Variants in ZNF804A observed in about 807,000 individuals in gnomAD.
The protein encoded by ZNF804A is zinc finger protein 804A.
In ZNF804A, 2 loss-of-function variants were observed where a neutral mutation model predicts 16.5. That is an observed-to-expected ratio of 0.12 (90% confidence interval 0.05 to 0.38). ZNF804A has a LOEUF of 0.38. ZNF804A is among the 10% of genes least tolerant of loss of function. ZNF804A has a pLI of 0.99. For missense variants in ZNF804A, 1,473 were observed against 1,390.7 expected (o/e 1.06, Z -0.94); for synonymous variants, 534 against 489.6 (o/e 1.09, Z -1.20).
chr2:184,770,858 T>C (rs1694199297), intron 1 of ZNF804A, among the ~76,000 whole-genome samples: 3 of 152,140 alleles, frequency 2.0e-5, no homozygotes, highest in East Asian at 3.9e-4. Flanking sequence ...ATTCTGAATA[T>C]ATAAATATTA....
chr2:184,831,566 A>G (rs1260518960), intron 1 of ZNF804A, among the ~76,000 whole-genome samples: 1 of 152,040 alleles, frequency 6.6e-6, no homozygotes, highest in Admixed American at 6.6e-5. Context: ...GGAAATTCAG[A>G]ATCTCAGGCC....
At chr2:184,707,183 C>G (rs1387431286) in intron 1 of ZNF804A, among the ~76,000 whole-genome samples, 1 of 152,054 alleles carries the variant, frequency 6.6e-6, no homozygotes, top group African/African-American at 2.4e-5. Flanking sequence ...TGGAGGTGTT[C>G]TTCCTTTCTC....
At chr2:184,838,727 C>A (rs1558977919) in intron 1 of ZNF804A, among the ~76,000 whole-genome samples, 1 of 151,772 alleles carries the variant, frequency 6.6e-6, no homozygotes, top group Non-Finnish European at 1.5e-5. Context: ...ATAACAGAAG[C>A]TATGTATAGC....
chr2:184,703,517 C>T (rs558512802), intron 1 of ZNF804A, among the ~76,000 whole-genome samples: 2 of 151,472 alleles, frequency 1.3e-5, no homozygotes, highest in Admixed American at 6.6e-5. Flanking sequence ...GGTGAAACCC[C>T]GTCTCTACTA....
intron 1 of ZNF804A, among the ~76,000 whole-genome samples, chr2:184,831,344 C>T (rs1002534241): frequency 1.3e-5 from 2 of 151,802 alleles, no homozygotes; most frequent in Admixed American, 1.3e-4. Flanking sequence ...ATCACCTGCT[C>T]ATGTGATTTA....
intron 2 of ZNF804A, among the ~76,000 whole-genome samples, chr2:184,872,207 G>T (rs1695985611): frequency 6.6e-6 from 1 of 152,048 alleles, no homozygotes; most frequent in Admixed American, 6.6e-5. Flanking sequence ...CTGCTGATCA[G>T]ACAAAAGCTA....
intron 1 of ZNF804A, among the ~76,000 whole-genome samples, chr2:184,651,913 G>A (rs766334153): frequency 7.0e-4 from 106 of 152,030 alleles, no homozygotes; most frequent in Non-Finnish European, 8.7e-4. Flanking sequence ...ACAGAGCTAC[G>A]GTTCGACTCA....
At chr2:184,607,296 A>G (rs1481392638) in intron 1 of ZNF804A, among the ~76,000 whole-genome samples, 2 of 152,236 alleles carry the variant, frequency 1.3e-5, no homozygotes, top group African/African-American at 2.4e-5. Flanking sequence ...TGCTGCTATA[A>G]GGACATAATT....
chr2:184,921,764 T>G (rs190348515), intron 2 of ZNF804A, among the ~76,000 whole-genome samples: 1 of 152,212 alleles, frequency 6.6e-6, no homozygotes, highest in African/African-American at 2.4e-5. Context: ...ATCCCCCACT[T>G]ACCCTACCCC....
At chr2:184,827,814 C>T (rs1695188651) in intron 1 of ZNF804A, among the ~76,000 whole-genome samples, 1 of 151,404 alleles carries the variant, frequency 6.6e-6, no homozygotes, top group African/African-American at 2.4e-5. Flanking sequence ...ATCCATTCAC[C>T]TGGTAATGGG....
At chr2:184,754,858 A>G (rs1693935179) in intron 1 of ZNF804A, among the ~76,000 whole-genome samples, 1 of 151,846 alleles carries the variant, frequency 6.6e-6, no homozygotes, top group Non-Finnish European at 1.5e-5. Context: ...TCATGGTGGA[A>G]GTTGAAGGAG....
At chr2:184,782,227 T>C (rs1296173460) in intron 1 of ZNF804A, among the ~76,000 whole-genome samples, 1 of 151,696 alleles carries the variant, frequency 6.6e-6, no homozygotes, top group Non-Finnish European at 1.5e-5. Flanking sequence ...CAATAGGAAT[T>C]TGACATTTTG....
chr2:184,900,932 T>G (rs1342022122), intron 2 of ZNF804A, among the ~76,000 whole-genome samples: 1 of 152,194 alleles, frequency 6.6e-6, no homozygotes, highest in African/African-American at 2.4e-5. Context: ...TGTCCCTTTG[T>G]AGGACTTCAA....
At chr2:184,809,471 G>A (rs1042958252) in intron 1 of ZNF804A, among the ~76,000 whole-genome samples, 2 of 151,820 alleles carry the variant, frequency 1.3e-5, no homozygotes, top group Non-Finnish European at 2.9e-5. Context: ...ATATTTGCAT[G>A]TGTATTTAGA....
chr2:184,827,452 AAATAT>A (rs1431229785), intron 1 of ZNF804A, among the ~76,000 whole-genome samples: 1 of 146,826 alleles, frequency 6.8e-6, no homozygotes, highest in Non-Finnish European at 1.5e-5. Context: ...ATATAAATAT[AAATAT>A]ATTTATATAT....
At chr2:184,905,683 T>C (rs1365131733) in intron 2 of ZNF804A, among the ~76,000 whole-genome samples, 1 of 152,164 alleles carries the variant, frequency 6.6e-6, no homozygotes, top group Non-Finnish European at 1.5e-5. Context: ...GAAAATGGCA[T>C]AGAGACTCTG....
At chr2:184,685,273 C>T (rs776239244) in intron 1 of ZNF804A, among the ~76,000 whole-genome samples, 2 of 152,006 alleles carry the variant, frequency 1.3e-5, no homozygotes, top group Non-Finnish European at 2.9e-5. Context: ...TGCAGTGGCA[C>T]CCAGAAGCTT....
intron 1 of ZNF804A, among the ~76,000 whole-genome samples, chr2:184,712,224 A>T (rs1693139751): frequency 6.6e-6 from 1 of 151,692 alleles, no homozygotes; most frequent in Non-Finnish European, 1.5e-5. Context: ...CTTTTTGATG[A>T]TATCAAGTGG....
intron 1 of ZNF804A, among the ~76,000 whole-genome samples, chr2:184,720,710 C>G (rs1310039439): frequency 6.6e-6 from 1 of 152,088 alleles, no homozygotes; most frequent in Non-Finnish European, 1.5e-5. Flanking sequence ...TCAGTGCAAT[C>G]TCTATCAAAG....
Sources: gnomAD v4.1 joint callset for allele counts (sites outside exome capture counted in the v4.1 genomes callset) on GRCh38, gnomAD v4.1.1 for gene constraint, MANE v1.5 for transcripts, NCBI Gene and HGNC (gene_info 2026-07-23, HGNC 2026-07-21) for gene names.